Variants in EPG5 observed in about 807,000 individuals in gnomAD.
EPG5 encodes ectopic P-granules 5 autophagy tethering factor, also known as ectopic P granules protein 5 homolog.
EPG5 carries 159 observed loss-of-function variants against 302.7 expected under a neutral mutation model. The ratio of observed to expected loss-of-function variants is 0.53; its 90% CI spans 0.46 to 0.60. The LOEUF (loss-of-function observed/expected upper bound fraction) is 0.60. Among genes scored for constraint, EPG5 ranks in the 20% least tolerant of loss-of-function variants. The pLI, the probability that EPG5 is intolerant of heterozygous loss-of-function variation, is 0.00. For missense variants in EPG5, 2,896 were observed against 3,092.4 expected (o/e 0.94, Z 1.51); for synonymous variants, 1,158 against 1,136.8 (o/e 1.02, Z -0.37).
chr18:45,814,372 G>A, the EPG5 span, among the ~76,000 whole-genome samples: 3 of 152,164 alleles, frequency 2.0e-5, no homozygotes, highest in Non-Finnish European at 2.9e-5. Flanking sequence ...GATTAAAGAA[G>A]ACTAAAGAGA....
the EPG5 span, chr18:45,838,953 C>T: frequency 6.2e-7 from 1 of 1,604,952 alleles, no homozygotes; most frequent in Non-Finnish European, 8.5e-7. Flanking sequence ...ACAGCCTGGG[C>T]CGCTCCGAGG....
intron 1 of EPG5, among the ~76,000 whole-genome samples, chr18:45,959,983 T>G (rs2051113941): frequency 6.6e-6 from 1 of 151,680 alleles, no homozygotes; most frequent in Admixed American, 6.6e-5. Flanking sequence ...CTTTACCTAC[T>G]TCAGTTAAAA....
chr18:45,940,299 C>T (rs533548240), intron 9 of EPG5, among the ~76,000 whole-genome samples: 11 of 152,278 alleles, frequency 7.2e-5, no homozygotes, highest in Admixed American at 7.2e-4. Flanking sequence ...GGCAGGAAAC[C>T]AGATCGTGAG....
At chr18:45,840,271 C>G in the EPG5 span, 2 of 1,605,700 alleles carry the variant, frequency 1.2e-6, no homozygotes, top group Middle Eastern at 1.7e-4. Context: ...CCACCCTACC[C>G]TACCCCACCC....
At chr18:45,806,243 A>C in the EPG5 span, among the ~76,000 whole-genome samples, 2 of 152,246 alleles carry the variant, frequency 1.3e-5, no homozygotes, top group South Asian at 4.1e-4. Context: ...AGAGCTGAAT[A>C]TAAAGGAAAA....
intron 2 of EPG5, chr18:45,953,684 T>C (rs908019839): frequency 1.0e-6 from 1 of 985,208 alleles, no homozygotes; most frequent in Non-Finnish European, 1.2e-6. Flanking sequence ...CCCCTTCCTT[T>C]GGGGGCTCTG....
intron 28 of EPG5, among the ~76,000 whole-genome samples, chr18:45,889,464 A>G (rs1365804588): frequency 1.3e-5 from 2 of 152,224 alleles, no homozygotes; most frequent in East Asian, 3.8e-4. Context: ...AATGCACTAT[A>G]TCATCTCACA....
At chr18:45,828,720 C>A in the EPG5 span, among the ~76,000 whole-genome samples, 1 of 152,240 alleles carries the variant, frequency 6.6e-6, no homozygotes, top group African/African-American at 2.4e-5. Flanking sequence ...TGTGCATCCA[C>A]CTCTCCCGCA....
At chr18:45,940,410 C>T (rs2050637272) in intron 9 of EPG5, among the ~76,000 whole-genome samples, 1 of 152,102 alleles carries the variant, frequency 6.6e-6, no homozygotes, top group Non-Finnish European at 1.5e-5. Flanking sequence ...ACTCACAATT[C>T]ATAAGGAACA....
rs905558838 is a variant in EPG5 at position 45,849,806 on chromosome 18, G to C, written c.*2661C>G. On this transcript the variant is annotated 3_prime_UTR_variant, in exon 44 of 44. Coordinates refer to ENST00000282041, the MANE Select transcript of EPG5 (RefSeq NM_020964.3). Reference sequence around the variant, plus strand: ...AGTCACGCCTTGGAGCTGAGGTCCCGAGTGTGCAGGAAGGAGCTTTGGAAA... The same window carrying C: ...AGTCACGCCTTGGAGCTGAGGTCCCCAGTGTGCAGGAAGGAGCTTTGGAAA... 1 of 152,320 alleles carries C rather than the reference G, an allele frequency of 6.6e-6. No individual in the cohort carries two copies. The highest frequency in any genetic ancestry group is 1.5e-5 in the Non-Finnish European group (1 of 68,144). 9.4% of individuals were successfully genotyped at this position (152,320 alleles called of 1,614,324 possible). A position where few individuals can be genotyped will look rare whatever the true frequency, so the allele number is the denominator to read the frequency against.
intron 28 of EPG5, 52 bp from the exon 29 acceptor site, chr18:45,887,959 C>A: frequency 7.4e-7 from 1 of 1,347,750 alleles, no homozygotes; most frequent in South Asian, 1.9e-5. Flanking sequence ...ATTCCATACT[C>A]ACAAGGCCTT....
intron 35 of EPG5, among the ~76,000 whole-genome samples, chr18:45,871,002 C>T (rs139243834): frequency 1.5e-3 from 235 of 152,230 alleles, no homozygotes; most frequent in African/African-American, 5.3e-3. Context: ...AATTTCTAAA[C>T]GTATGGCTTT....
In EPG5 at chr18:45,870,641, A is replaced by G. The variant is rs1350972634; in HGVS notation, c.6151T>C (p.Phe2051Leu). The change falls in exon 36 of 44, where the codon TTC becomes CTC. Residue 2051 changes from phenylalanine (F) to leucine (L), a missense_variant. Around this residue, in one of 5 missense-constraint regions of EPG5, gnomAD observed 620 missense variants for 704.2 expected, o/e 0.88. Transcript: ENST00000282041. The stretch of plus-strand genomic sequence containing the variant: ...GGCAGTTTCCGGTACGTGCTATGGA[A>G]AGCGTACAGAATGAACTCTGGCATT... ...PKMPEFILYA[F>L]HSTYRKLPWK... 6.2e-7 allele frequency: 1 copy of G among 1,614,112 alleles called. No individual in the cohort carries two copies. Among genetic ancestry groups the G allele is most frequent in the East Asian group, 2.2e-5 (1 of 44,882 alleles).
Position 45,887,907 on chromosome 18 carries a change from C to G in EPG5, c.4953G>C (p.Thr1651=), listed in dbSNP as rs1490075620. ...GCAACTTGTAGGCATTCACTAAGGC[C>G]CTGTGGGAAAATGTGGGTAAGACTG... ...EAAVHAENLI[T]ALVNAYKLQP... The change falls in exon 29 of 44, where the codon ACG becomes ACC. Residue 1651 remains threonine, a splice_region_variant and synonymous_variant. Transcript: ENST00000282041. The G allele has an allele frequency of 6.5e-7, 1 of 1,548,644 alleles. No homozygotes were observed. Among genetic ancestry groups the G allele is most frequent in the Non-Finnish European group, 8.8e-7 (1 of 1,134,356 alleles).
intron 1 of EPG5, among the ~76,000 whole-genome samples, chr18:45,956,109 T>C (rs2051024994): frequency 6.6e-6 from 1 of 152,232 alleles, no homozygotes; most frequent in Admixed American, 6.5e-5. Context: ...TGGAGAATCC[T>C]GGAAGATAAT....
chr18:45,848,749 T>A lies in EPG5; in HGVS notation c.*3718A>T, dbSNP rs1166481861. 6.6e-6 allele frequency: 1 copy of A among 152,268 alleles called. No homozygotes were observed. 9.4% of individuals were successfully genotyped at this position (152,268 alleles called of 1,614,324 possible). ...TAATTTGGACACTTTCCCCAAACCG[T>A]AGCCCAGTTAGACATGATGGTGGAA... On this transcript the variant is annotated 3_prime_UTR_variant, in exon 44 of 44. Transcript: ENST00000282041.
Position 45,935,615 on chromosome 18 carries a change from A to G in EPG5, c.2100-649T>C, listed in dbSNP as rs549588508. ...GGCTACTAAGGCGCACACAGGTACT[A>G]AGGCACACACAGTAGTGGGTGGCAG... On this transcript the variant is annotated intron_variant, in intron 10 of 43. Coordinates refer to ENST00000282041, the MANE Select transcript of EPG5 (RefSeq NM_020964.3). Among the ~76,000 whole-genome samples, 12 of 143,914 alleles carry G rather than the reference A, an allele frequency of 8.3e-5. No homozygotes were observed. In the East Asian group the frequency reaches 2.3e-3, roughly 28 times the overall value. 94.4% of individuals were successfully genotyped at this position (143,914 alleles called of 152,430 possible).
intron 1 of EPG5, 134 bp from the exon 2 acceptor site, chr18:45,955,472 T>A: frequency 1.6e-6 from 1 of 638,716 alleles, no homozygotes; most frequent in Middle Eastern, 4.3e-4. Context: ...TTTATCAGTG[T>A]TTTTGAACAG....
At chr18:45,929,104 T>C in intron 12 of EPG5, 95 bp from the exon 13 acceptor site, 2 of 1,298,130 alleles carry the variant, frequency 1.5e-6, no homozygotes, top group East Asian at 4.8e-5. Flanking sequence ...GCAGAAAGAA[T>C]CTTACATTGA....
Sources: gnomAD v4.1 joint callset for allele counts (sites outside exome capture counted in the v4.1 genomes callset) on GRCh38, gnomAD v4.1.1 for gene constraint, gnomAD v4.1.1 regional missense constraint, MANE v1.5 for transcripts, NCBI Gene and HGNC (gene_info 2026-07-23, HGNC 2026-07-21) for gene names.